Variants in NFIB observed in about 807,000 individuals in gnomAD.
NFIB encodes the protein nuclear factor 1 B-type.
Under a neutral mutation model 61.5 loss-of-function variants are expected in NFIB, and 11 were observed. The observed-to-expected ratio is 0.18, with a 90% confidence interval of 0.11 to 0.30. NFIB has a LOEUF of 0.30. NFIB is among the 10% of genes least tolerant of loss of function. NFIB has a pLI of 1.00. For missense variants in NFIB, 471 were observed against 608.9 expected (o/e 0.77, Z 2.38); for synonymous variants, 260 against 216.5 (o/e 1.20, Z -1.76).
intron 6 of NFIB, among the ~76,000 whole-genome samples, chr9:14,134,727 T>G (rs1458252481): frequency 1.3e-5 from 2 of 151,680 alleles, no homozygotes; most frequent in African/African-American, 2.4e-5. Flanking sequence ...CGAATCCCCA[T>G]CTCTACTAAA....
chr9:14,500,814 A>C, the NFIB span, among the ~76,000 whole-genome samples: 1 of 152,074 alleles, frequency 6.6e-6, no homozygotes, highest in Non-Finnish European at 1.5e-5. Context: ...CGCATTTCCC[A>C]CAGCGAATCT....
At chr9:14,430,333 T>G in the NFIB span, among the ~76,000 whole-genome samples, 15 of 152,148 alleles carry the variant, frequency 9.9e-5, no homozygotes, top group African/African-American at 3.6e-4. Context: ...AGACTTCTTC[T>G]TGCCATGGTA....
chr9:14,424,053 A>T, the NFIB span, among the ~76,000 whole-genome samples: 1 of 152,090 alleles, frequency 6.6e-6, no homozygotes, highest in African/African-American at 2.4e-5. Context: ...GCTTGTTTAC[A>T]TTGAGAGAAG....
the NFIB span, among the ~76,000 whole-genome samples, chr9:14,495,967 C>G: frequency 9.2e-5 from 14 of 152,186 alleles, no homozygotes; most frequent in Admixed American, 1.3e-4. Context: ...CTTCAACTTT[C>G]TAAGTCTTCA....
At chr9:14,376,899 C>T (rs941569219) in intron 1 of NFIB, among the ~76,000 whole-genome samples, 2 of 152,078 alleles carry the variant, frequency 1.3e-5, no homozygotes, top group Admixed American at 6.6e-5. Context: ...ATCAGATTGC[C>T]TTCCTACAAT....
chr9:14,128,187 C>T (rs1046835377), intron 6 of NFIB, among the ~76,000 whole-genome samples: 2 of 152,014 alleles, frequency 1.3e-5, no homozygotes, highest in Non-Finnish European at 2.9e-5. Flanking sequence ...GTGGAAAGAA[C>T]CTCTATTCTG....
rs2061384893 is a variant in NFIB at position 14,373,668 on chromosome 9, G to A, written c.108+24856C>T. Among the ~76,000 whole-genome samples the A allele has an allele frequency of 2.0e-5, 3 of 151,752 alleles. No individual in the cohort carries two copies. In the South Asian group the frequency reaches 6.3e-4, roughly 32 times the overall value. ...TGTGTGTGTGTGTGTGTGTGTGTGTGTGTGTGTGTGGTGTTTAGAAACAGG... is the reference window on the plus strand; with the variant it reads ...TGTGTGTGTGTGTGTGTGTGTGTGTATGTGTGTGTGGTGTTTAGAAACAGG... On this transcript the variant is annotated intron_variant, in intron 1 of 8. Coordinates refer to the NFIB transcript ENST00000380934.
chr9:14,428,799 G>C, the NFIB span, among the ~76,000 whole-genome samples: 8 of 152,124 alleles, frequency 5.3e-5, no homozygotes, highest in Non-Finnish European at 1.2e-4. Flanking sequence ...CTCTGATCTT[G>C]ATAATACACT....
intron 6 of NFIB, among the ~76,000 whole-genome samples, chr9:14,132,418 G>A (rs917477669): frequency 2.6e-5 from 4 of 151,982 alleles, no homozygotes; most frequent in Non-Finnish European, 5.9e-5. Context: ...GTTAAGGTTT[G>A]TTTTATTGCT....
At chr9:14,428,019 A>G in the NFIB span, among the ~76,000 whole-genome samples, 1 of 126,966 alleles carries the variant, frequency 7.9e-6, no homozygotes, top group African/African-American at 3.0e-5. Context: ...ATCACGGCTC[A>G]CTGCAGCCTC....
At chr9:14,419,561 T>C in the NFIB span, among the ~76,000 whole-genome samples, 1 of 152,208 alleles carries the variant, frequency 6.6e-6, no homozygotes, top group Non-Finnish European at 1.5e-5. Flanking sequence ...CGTGTTTTAA[T>C]TTTGCAACGA....
At chr9:14,516,613 T>C in the NFIB span, among the ~76,000 whole-genome samples, 1 of 152,240 alleles carries the variant, frequency 6.6e-6, no homozygotes, top group Non-Finnish European at 1.5e-5. Flanking sequence ...TTAATCTCTC[T>C]TAGTTTTCTT....
rs2060402412 is a variant in NFIB, at chr9:14,313,742, T to G, written c.-231A>C. On this transcript the variant is annotated 5_prime_UTR_variant, in exon 1 of 11. Transcript: ENST00000380953. The surrounding 1 kb of genome is among the most constrained non-coding windows in gnomAD (Gnocchi z 4.5). ...CAGGGGTGAAATCCAATCTACACTTTTAACCCTCTTGCAGTCCGAGCGCGC... is the reference window on the plus strand; with the variant it reads ...CAGGGGTGAAATCCAATCTACACTTGTAACCCTCTTGCAGTCCGAGCGCGC... The G allele has an allele frequency of 7.2e-7, 1 of 1,389,958 alleles. No homozygotes were observed. Among genetic ancestry groups the G allele is most frequent in the Non-Finnish European group, 9.3e-7 (1 of 1,073,638 alleles). 86.1% of individuals were successfully genotyped at this position (1,389,958 alleles called of 1,614,324 possible). A position where few individuals can be genotyped will look rare whatever the true frequency, so the allele number is the denominator to read the frequency against.
intron 1 of NFIB, among the ~76,000 whole-genome samples, chr9:14,387,507 A>G (rs1318671678): frequency 2.0e-5 from 3 of 152,234 alleles, no homozygotes; most frequent in Non-Finnish European, 4.4e-5. Flanking sequence ...CAGTCATTAA[A>G]AATCAGTGAG....
upstream of NFIB, among the ~76,000 whole-genome samples, chr9:14,315,037 CG>C (rs2132775688): frequency 6.6e-6 from 1 of 152,032 alleles, no homozygotes; most frequent in Non-Finnish European, 1.5e-5. Flanking sequence ...CACTCGCACC[CG>C]GGGCGGGCTC....
chr9:14,402,661 C>T (rs1392138022), upstream of NFIB, among the ~76,000 whole-genome samples: 1 of 151,988 alleles, frequency 6.6e-6, no homozygotes, highest in Non-Finnish European at 1.5e-5. Context: ...AAAACATGTT[C>T]ATTTACATTT....
At chr9:14,179,883 G>A in intron 2 of NFIB, 103 bp from the exon 3 acceptor site, 3 of 1,067,580 alleles carry the variant, frequency 2.8e-6, no homozygotes, top group Non-Finnish European at 4.1e-6. Context: ...TAAAAATGAA[G>A]TTGAGTGCTT....
At chr9:14,478,723 G>C in the NFIB span, among the ~76,000 whole-genome samples, 1 of 152,128 alleles carries the variant, frequency 6.6e-6, no homozygotes, top group African/African-American at 2.4e-5. Flanking sequence ...CCCTCTATCA[G>C]TATATATTTA....
At chr9:14,290,897 G>A (rs2059049866) in intron 2 of NFIB, among the ~76,000 whole-genome samples, 1 of 151,930 alleles carries the variant, frequency 6.6e-6, no homozygotes, top group African/African-American at 2.4e-5. Context: ...TTTATAGTAT[G>A]CTCTCATAAC....
Sources: gnomAD v4.1 joint callset for allele counts (sites outside exome capture counted in the v4.1 genomes callset) on GRCh38, gnomAD v4.1.1 for gene constraint, Gnocchi (gnomAD v3.1) non-coding constraint, MANE v1.5 for transcripts, NCBI Gene and HGNC (gene_info 2026-07-23, HGNC 2026-07-21) for gene names.